RBFOX1: variants seen among roughly 807,000 people sequenced by gnomAD.
RBFOX1 encodes the protein RNA binding fox-1 homolog 1.
In RBFOX1, 8 loss-of-function variants were observed where a neutral mutation model predicts 57.7. The ratio of observed to expected loss-of-function variants is 0.14; its 90% CI spans 0.08 to 0.25. The LOEUF is 0.25. Among genes scored for constraint, RBFOX1 ranks in the 10% least tolerant of loss-of-function variants. The pLI, the probability that RBFOX1 is intolerant of heterozygous loss-of-function variation, is 1.00. For missense variants in RBFOX1, 611 were observed against 548.5 expected (o/e 1.11, Z -1.14); for synonymous variants, 326 against 222.4 (o/e 1.47, Z -4.15).
intron 3 of RBFOX1, among the ~76,000 whole-genome samples, chr16:6,848,732 C>G (rs1169352651): frequency 1.3e-5 from 2 of 151,988 alleles, no homozygotes; most frequent in Admixed American, 1.3e-4. Flanking sequence ...CTTTAACGTT[C>G]AGTAACATAT....
intron 4 of RBFOX1, among the ~76,000 whole-genome samples, chr16:7,301,560 C>T (rs540787580): frequency 1.3e-5 from 2 of 152,198 alleles, no homozygotes; most frequent in East Asian, 1.9e-4. Flanking sequence ...ATCTGTATTG[C>T]CTTAGTGCAG....
Position 7,299,551 on chromosome 16 carries a change from G to A in RBFOX1, c.28-218596G>A, listed in dbSNP as rs184632527. 6.7e-4 allele frequency among the ~76,000 whole-genome samples: 102 copies of A among 152,312 alleles called. No homozygotes were observed. In the East Asian group the frequency reaches 0.019, roughly 29 times the overall value. ...TGGAATTGGTTCTGCCTGGGACGAA[G>A]CCCTTTACTCTGAAAAAGGAGCGCT... On this transcript the variant is annotated intron_variant, in intron 4 of 15. Transcript: ENST00000550418.
chr16:6,908,228 C>T (rs948168578), intron 3 of RBFOX1, among the ~76,000 whole-genome samples: 2 of 151,726 alleles, frequency 1.3e-5, no homozygotes, highest in South Asian at 2.1e-4. Flanking sequence ...TGCCTGAGAT[C>T]TGGCATTTCA....
intron 1 of RBFOX1, among the ~76,000 whole-genome samples, chr16:5,310,807 A>G (rs2064066473): frequency 6.6e-6 from 1 of 152,208 alleles, no homozygotes. Flanking sequence ...AAGGAAAAGT[A>G]TAGTTTGTAC....
intron 4 of RBFOX1, among the ~76,000 whole-genome samples, chr16:5,972,453 A>G (rs751187330): frequency 2.0e-5 from 3 of 152,210 alleles, no homozygotes; most frequent in Non-Finnish European, 4.4e-5. Flanking sequence ...CTGAGAGTCC[A>G]TCATTCACTC....
At chr16:5,624,675 C>CG (rs2048297985) in intron 3 of RBFOX1, among the ~76,000 whole-genome samples, 1 of 152,216 alleles carries the variant, frequency 6.6e-6, no homozygotes, top group Admixed American at 6.5e-5. Context: ...AGCTGAAGGG[C>CG]GCTCTCAGCT....
chr16:7,371,021 G>T (rs1004287349), intron 4 of RBFOX1, among the ~76,000 whole-genome samples: 1 of 152,150 alleles, frequency 6.6e-6, no homozygotes, highest in African/African-American at 2.4e-5. Context: ...GGATGGATGT[G>T]TCTGTATTTT....
chr16:7,619,044 A>C (rs1032268349), intron 10 of RBFOX1, among the ~76,000 whole-genome samples: 6 of 152,242 alleles, frequency 3.9e-5, no homozygotes, highest in African/African-American at 1.4e-4. Context: ...TGGAAACTAA[A>C]CAAGGATTAT....
chr16:7,005,090 G>C lies in RBFOX1; in HGVS notation c.-15-46967G>C, dbSNP rs146691303. Among the ~76,000 whole-genome samples, 4 of 152,278 alleles carry C rather than the reference G, an allele frequency of 2.6e-5. No homozygotes were observed. The East Asian group carries it at 7.7e-4, about 29-fold the overall frequency. On this transcript the variant is annotated intron_variant, in intron 3 of 15. Transcript: ENST00000550418. ...ATCCAGGAGGCAGAAGTTGCAGTCA[G>C]CTGAGATCGCGTCATTGCACTCCAG... is the stretch of plus-strand genomic sequence containing the variant.
intron 3 of RBFOX1, among the ~76,000 whole-genome samples, chr16:5,825,026 A>G (rs1445870060): frequency 1.3e-5 from 2 of 152,168 alleles, no homozygotes; most frequent in Admixed American, 6.5e-5. Context: ...ATGTTTTTGC[A>G]AGCTTTCCAA....
intron 1 of RBFOX1, among the ~76,000 whole-genome samples, chr16:5,343,123 C>T (rs952674309): frequency 2.0e-5 from 3 of 152,102 alleles, no homozygotes; most frequent in African/African-American, 4.8e-5. Context: ...CAGTAGACAT[C>T]AGTAAGGAAG....
At chr16:7,157,797 T>G (rs1218573927) in intron 4 of RBFOX1, among the ~76,000 whole-genome samples, 3 of 152,186 alleles carry the variant, frequency 2.0e-5, no homozygotes, top group Non-Finnish European at 4.4e-5. Context: ...TGGATTTACA[T>G]GTTTTCCCTT....
intron 3 of RBFOX1, among the ~76,000 whole-genome samples, chr16:5,764,270 A>G (rs1358302209): frequency 1.3e-5 from 2 of 152,188 alleles, no homozygotes; most frequent in Admixed American, 6.5e-5. Flanking sequence ...CTGGAATACC[A>G]GGAATATCTA....
intron 14 of RBFOX1, among the ~76,000 whole-genome samples, chr16:7,681,358 A>G (rs1285482918): frequency 6.6e-6 from 1 of 152,132 alleles, no homozygotes; most frequent in Non-Finnish European, 1.5e-5. Context: ...AAATACAGAA[A>G]ATAGGACTAA....
intron 2 of RBFOX1, among the ~76,000 whole-genome samples, chr16:6,431,819 A>G (rs911907024): frequency 7.2e-5 from 11 of 152,182 alleles, no homozygotes; most frequent in African/African-American, 2.7e-4. Flanking sequence ...TGGGGCTAAC[A>G]CTGGTCATTT....
At chr16:5,552,288 A>T (rs910676905) in intron 2 of RBFOX1, among the ~76,000 whole-genome samples, 2 of 152,180 alleles carry the variant, frequency 1.3e-5, no homozygotes, top group Non-Finnish European at 2.9e-5. Flanking sequence ...GCATTCCGTC[A>T]TATGTTGCCT....
At chr16:7,359,271 A>C (rs1412377736) in intron 4 of RBFOX1, among the ~76,000 whole-genome samples, 1 of 152,232 alleles carries the variant, frequency 6.6e-6, no homozygotes. Flanking sequence ...TAGGATATGT[A>C]AAATAGTATA....
At chr16:7,333,269 A>T (rs780083715) in intron 4 of RBFOX1, among the ~76,000 whole-genome samples, 3 of 152,218 alleles carry the variant, frequency 2.0e-5, no homozygotes, top group Non-Finnish European at 4.4e-5. Flanking sequence ...GACATCTCTC[A>T]TGGCTGAATA....
At chr16:6,934,885 A>C (rs2153482021) in intron 3 of RBFOX1, among the ~76,000 whole-genome samples, 1 of 152,198 alleles carries the variant, frequency 6.6e-6, no homozygotes, top group South Asian at 2.1e-4. Flanking sequence ...CAGGAGTTTG[A>C]GACTAGCCTA....
Sources: gnomAD v4.1 joint callset for allele counts (sites outside exome capture counted in the v4.1 genomes callset) on GRCh38, gnomAD v4.1.1 for gene constraint, MANE v1.5 for transcripts, NCBI Gene and HGNC (gene_info 2026-07-23, HGNC 2026-07-21) for gene names.